The following CPEB3 variants were observed in gnomAD, a reference collection of about 807,000 sequenced individuals.
CPEB3 encodes the protein cytoplasmic polyadenylation element binding protein 3.
CPEB3 carries 20 observed loss-of-function variants against 67.2 expected under a neutral mutation model. The ratio of observed to expected loss-of-function variants is 0.30; its 90% CI spans 0.21 to 0.43. The LOEUF (loss-of-function observed/expected upper bound fraction) is 0.43. CPEB3 is among the 20% of genes least tolerant of loss of function. CPEB3 has a pLI of 1.00. For missense variants in CPEB3, 746 were observed against 968.6 expected (o/e 0.77, Z 3.05); for synonymous variants, 376 against 393.1 (o/e 0.96, Z 0.51).
At chr10:92,148,292 G>C (rs553560248) in intron 4 of CPEB3, among the ~76,000 whole-genome samples, 1 of 151,988 alleles carries the variant, frequency 6.6e-6, no homozygotes, top group Non-Finnish European at 1.5e-5. Context: ...TCGTATTTTC[G>C]ATTATTCCTC....
Position 92,192,608 on chromosome 10 carries a change from T to A in CPEB3, c.1034A>T (p.Asn345Ile), listed in dbSNP as rs528842512. 6.2e-7 allele frequency: 1 copy of A among 1,612,372 alleles called. No individual in the cohort carries two copies. Among genetic ancestry groups the A allele is most frequent in the East Asian group, 2.2e-5 (1 of 44,826 alleles). ...TAAGGAGTTCTCCAACGAGTGCAAG[T>A]TAAAAGTATCATAGGGCCTACTCCG... ...QDRSRPYDTF[N>I]LHSLENSLMD... is the part of the protein sequence containing the mutation. Residue 345 changes from asparagine (N) to isoleucine (I), a missense_variant, in exon 3 of 10, where the codon AAC becomes ATC. Transcript: ENST00000265997.
In CPEB3 at chr10:92,131,625, G is replaced by A. The variant is rs999042605; in HGVS notation, c.1453+11404C>T. On this transcript the variant is annotated intron_variant, in intron 6 of 9. Coordinates refer to ENST00000265997, the MANE Select transcript of CPEB3 (RefSeq NM_014912.5). ...CATCGTTGACTAAGGAGTAAAGATT[G>A]CAGGGAAGCATTTGACACAATAGAG... Among the ~76,000 whole-genome samples the A allele has an allele frequency of 2.6e-5, 4 of 152,272 alleles. No individual in the cohort carries two copies. The East Asian group carries it at 7.7e-4, about 29-fold the overall frequency.
chr10:92,286,729 C>T (rs1245843819), intron 1 of CPEB3, among the ~76,000 whole-genome samples: 1 of 152,090 alleles, frequency 6.6e-6, no homozygotes, highest in Admixed American at 6.6e-5. Context: ...CAGTTTATCA[C>T]CAAATTTGGC....
intron 6 of CPEB3, among the ~76,000 whole-genome samples, chr10:92,117,906 GTTATTA>G (rs1845123790): frequency 6.6e-6 from 1 of 152,024 alleles, no homozygotes; most frequent in African/African-American, 2.4e-5. Flanking sequence ...AAATACAGTT[GTTATTA>G]TTACCATTTT....
At chr10:92,268,848 T>C (rs1249597538) in intron 1 of CPEB3, among the ~76,000 whole-genome samples, 3 of 152,128 alleles carry the variant, frequency 2.0e-5, no homozygotes, top group Admixed American at 6.5e-5. Flanking sequence ...GGGAGTTTCA[T>C]AGGTTGAGTT....
At chr10:92,082,650 C>G (rs923843086) in intron 8 of CPEB3, among the ~76,000 whole-genome samples, 2 of 152,134 alleles carry the variant, frequency 1.3e-5, no homozygotes, top group Non-Finnish European at 2.9e-5. Flanking sequence ...TAGCACTTAC[C>G]TGCATACCAG....
chr10:92,190,044 C>T (rs760410063), intron 3 of CPEB3, among the ~76,000 whole-genome samples: 3 of 151,840 alleles, frequency 2.0e-5, no homozygotes, highest in Non-Finnish European at 4.4e-5. Flanking sequence ...TTTAGGAGGC[C>T]AAGGCGGGCA....
intron 4 of CPEB3, among the ~76,000 whole-genome samples, chr10:92,170,137 C>G (rs1413850356): frequency 6.6e-6 from 1 of 152,152 alleles, no homozygotes; most frequent in African/African-American, 2.4e-5. Context: ...CTAGGAAACC[C>G]CTAGTCCACA....
chr10:92,184,604 AAAAAGAAAAG>A (rs777546033), intron 3 of CPEB3, among the ~76,000 whole-genome samples: 4 of 152,132 alleles, frequency 2.6e-5, no homozygotes, highest in African/African-American at 9.7e-5. Flanking sequence ...ACTCTGTCTC[AAAAAGAAAAG>A]AAAAGAAAAG....
At chr10:92,276,263 CT>C (rs1449425128) in intron 1 of CPEB3, among the ~76,000 whole-genome samples, 8 of 144,964 alleles carry the variant, frequency 5.5e-5, no homozygotes, top group Non-Finnish European at 9.0e-5. Context: ...AATAATGCTG[CT>C]TTTTTTTCTT....
At chr10:92,222,653 T>C (rs1361583633) in intron 2 of CPEB3, among the ~76,000 whole-genome samples, 1 of 152,196 alleles carries the variant, frequency 6.6e-6, no homozygotes, top group Non-Finnish European at 1.5e-5. Flanking sequence ...TATCTGTAAT[T>C]CTTAACCATT....
intron 6 of CPEB3, chr10:92,137,379 C>T (rs1846153072): frequency 9.0e-7 from 1 of 1,106,726 alleles, no homozygotes; most frequent in African/African-American, 1.6e-5. Flanking sequence ...CCAAATACAT[C>T]AAGATGTTTG....
At chr10:92,146,907 T>C (rs1223823591) in intron 4 of CPEB3, among the ~76,000 whole-genome samples, 4 of 152,182 alleles carry the variant, frequency 2.6e-5, no homozygotes, top group African/African-American at 4.8e-5. Context: ...GACGTTCTCC[T>C]AGAGCTGACA....
intron 4 of CPEB3, among the ~76,000 whole-genome samples, chr10:92,175,864 C>A (rs1214964556): frequency 1.3e-5 from 2 of 151,910 alleles, no homozygotes. Context: ...CCATGGCAGA[C>A]GGATTGCCTG....
At chr10:92,055,717 T>G (rs1842084501) in intron 9 of CPEB3, among the ~76,000 whole-genome samples, 1 of 148,462 alleles carries the variant, frequency 6.7e-6, no homozygotes. Context: ...GAACATTAAA[T>G]GCCAATAGAT....
chr10:92,181,775 G>A (rs1848472219), intron 3 of CPEB3, among the ~76,000 whole-genome samples: 1 of 152,198 alleles, frequency 6.6e-6, no homozygotes, highest in Admixed American at 6.5e-5. Flanking sequence ...ATATGTGACA[G>A]AGACCATGTG....
chr10:92,282,558 C>A (rs1842345006), intron 1 of CPEB3, among the ~76,000 whole-genome samples: 1 of 152,024 alleles, frequency 6.6e-6, no homozygotes, highest in South Asian at 2.1e-4. Flanking sequence ...TGTGGTGGCG[C>A]GTGCCTGTAA....
At chr10:92,230,099 A>G (rs1279059012) in intron 2 of CPEB3, among the ~76,000 whole-genome samples, 4 of 152,224 alleles carry the variant, frequency 2.6e-5, no homozygotes. Context: ...AATGTTAAAT[A>G]TACCACATGT....
chr10:92,115,313 C>G (rs1229580), intron 6 of CPEB3, among the ~76,000 whole-genome samples: 43,013 of 152,034 alleles, frequency 0.28, 6,229 homozygotes, highest in African/African-American at 0.33. Context: ...GACACCACAC[C>G]CGACTAATTT....
Sources: gnomAD v4.1 joint callset for allele counts (sites outside exome capture counted in the v4.1 genomes callset) on GRCh38, gnomAD v4.1.1 for gene constraint, MANE v1.5 for transcripts, NCBI Gene and HGNC (gene_info 2026-07-23, HGNC 2026-07-21) for gene names.